Variants in ERICH2 observed in about 807,000 individuals in gnomAD.
ERICH2 encodes glutamate rich 2.
In ERICH2, 17 loss-of-function variants were observed where a neutral mutation model predicts 17.4. The observed-to-expected ratio is 0.98, with a 90% confidence interval of 0.67 to 1.47. The LOEUF (loss-of-function observed/expected upper bound fraction) is 1.47, where lower values mean the gene tolerates loss of function less well. Among genes scored for constraint, ERICH2 ranks in the 40% most tolerant of loss-of-function variants. The probability of loss-of-function intolerance (pLI) is 0.00; values close to 1 mark genes in which losing one functional copy is unlikely to be tolerated. For synonymous variants in ERICH2, 51 were observed against 61.1 expected, an observed-to-expected ratio of 0.83 and a Z score of 0.77; for missense variants, 186 against 183.2, an observed-to-expected ratio of 1.01 and a Z score of -0.09.
chr2:170,798,878 G>T (rs1488014559), exon 5 of ERICH2: 8 of 1,550,464 alleles, frequency 5.2e-6, no homozygotes, highest in African/African-American at 2.7e-5. Context: ...TCTGACGAAG[G>T]TGAAGATGGA....
chr2:170,786,449 A>G (rs1701162430), intron 2 of ERICH2, among the ~76,000 whole-genome samples: 3 of 151,824 alleles, frequency 2.0e-5, no homozygotes, highest in Admixed American at 2.0e-4. Context: ...ATATTATTTT[A>G]TTTCACAATT....
intron 3 of ERICH2, among the ~76,000 whole-genome samples, chr2:170,795,536 C>T (rs1293808272): frequency 6.6e-6 from 1 of 151,884 alleles, no homozygotes; most frequent in East Asian, 1.9e-4. Flanking sequence ...TTTGTAGAGG[C>T]GGGGTTTCAC....
At chr2:170,783,783 A>G (rs946634956), upstream of ERICH2, 86 of 1,550,046 alleles carry the variant, frequency 5.5e-5, no homozygotes, top group Non-Finnish European at 7.5e-5. Flanking sequence ...ACATCAGTGC[A>G]TTGAGTCAGT....
chr2:170,771,782 A>G, the ERICH2 span, among the ~76,000 whole-genome samples: 2 of 152,158 alleles, frequency 1.3e-5, no homozygotes, highest in African/African-American at 4.8e-5. The surrounding 1 kb of genome is among the most constrained non-coding windows in gnomAD (Gnocchi z 4.8). Flanking sequence ...CAAAATGTTG[A>G]TATTGTTCTT....
chr2:170,797,795 GAAAAAAAA>G (rs767126097), intron 3 of ERICH2, among the ~76,000 whole-genome samples: 2 of 141,808 alleles, frequency 1.4e-5, no homozygotes, highest in African/African-American at 5.2e-5. Flanking sequence ...CTGTCTCAGG[GAAAAAAAA>G]AAAAAAAAAA....
intron 2 of ERICH2, among the ~76,000 whole-genome samples, chr2:170,786,235 C>T (rs1701157714): frequency 6.6e-6 from 1 of 151,964 alleles, no homozygotes; most frequent in Non-Finnish European, 1.5e-5. Flanking sequence ...TTCTCTCAGC[C>T]TTGTTTTGTC....
intron 2 of ERICH2, among the ~76,000 whole-genome samples, chr2:170,786,784 A>G (rs1199894571): frequency 2.6e-5 from 4 of 151,816 alleles, no homozygotes; most frequent in Non-Finnish European, 5.9e-5. Context: ...CCCATCCTGC[A>G]TTATATTTTT....
At chr2:170,797,657 G>T (rs1701461738) in intron 3 of ERICH2, among the ~76,000 whole-genome samples, 1 of 151,902 alleles carries the variant, frequency 6.6e-6, no homozygotes, top group Non-Finnish European at 1.5e-5. Context: ...ACTTAGCCAG[G>T]CGTGGTGGCA....
chr2:170,798,740 CT>C (rs1461164183), intron 4 of ERICH2, 29 bp from the exon 10 acceptor site: 9 of 1,549,566 alleles, frequency 5.8e-6, no homozygotes, highest in Non-Finnish European at 7.8e-6. Flanking sequence ...TAAGAAACAC[CT>C]TAAGCAATCC....
upstream of ERICH2, chr2:170,782,329 G>A: frequency 1.0e-6 from 1 of 978,804 alleles, no homozygotes; most frequent in Non-Finnish European, 1.2e-6. Context: ...CGAAAGTAAA[G>A]ATATCTTAAC....
chr2:170,798,849 G>C, exon 5 of ERICH2: 1 of 1,550,658 alleles, frequency 6.4e-7, no homozygotes, highest in African/African-American at 1.4e-5. Flanking sequence ...AAAGCGATGA[G>C]GAGCTGAGTG....
chr2:170,790,510 C>A (rs1701263326), intron 2 of ERICH2, among the ~76,000 whole-genome samples: 1 of 152,210 alleles, frequency 6.6e-6, no homozygotes, highest in Non-Finnish European at 1.5e-5. Flanking sequence ...GCCTATAATC[C>A]CAGCTATTCA....
intron 3 of ERICH2, among the ~76,000 whole-genome samples, chr2:170,796,874 G>T (rs933008390): frequency 7.9e-5 from 12 of 152,060 alleles, no homozygotes; most frequent in Non-Finnish European, 1.6e-4. Context: ...CCTCAAGGCT[G>T]GTAGGAAGAA....
chr2:170,771,064 C>T, the ERICH2 span: 1 of 153,298 alleles, frequency 6.5e-6, no homozygotes, highest in East Asian at 2.0e-4. This position sits in a 1 kb window ranked among gnomAD's most constrained non-coding sequence, Gnocchi z 4.8. Context: ...CCTCCACGCG[C>T]CGTGCAGTCT....
intron 2 of ERICH2, among the ~76,000 whole-genome samples, chr2:170,792,046 CA>C (rs1701303165): frequency 6.6e-6 from 1 of 151,964 alleles, no homozygotes; most frequent in African/African-American, 2.4e-5. Flanking sequence ...TTTTTTTGTG[CA>C]TTTTTTTAAT....
At chr2:170,779,985 TC>T, upstream of ERICH2, 1 of 385,776 alleles carries the variant, frequency 2.6e-6, no homozygotes, top group Non-Finnish European at 3.5e-6. Flanking sequence ...AAGAATTATT[TC>T]AGTAGAAGTT....
chr2:170,796,441 T>TTTG (rs1324362693), intron 3 of ERICH2, among the ~76,000 whole-genome samples: 4 of 5,050 alleles, frequency 7.9e-4, no homozygotes, highest in African/African-American at 1.3e-3. Context: ...TTTTTTTTTG[T>TTTG]TTTTTTTTTT....
At chr2:170,794,105 C>CTTTTTTTTTTTTTT (rs59152667) in intron 3 of ERICH2, among the ~76,000 whole-genome samples, 4 of 88,164 alleles carry the variant, frequency 4.5e-5, no homozygotes, top group Non-Finnish European at 8.4e-5. Flanking sequence ...TCCTTTCTTT[C>CTTTTTTTTTTTTTT]TTTTTTTTTT....
chr2:170,794,717 G>A (rs1701375026), intron 3 of ERICH2, among the ~76,000 whole-genome samples: 1 of 152,174 alleles, frequency 6.6e-6, no homozygotes, highest in South Asian at 2.1e-4. Context: ...ATTAAGCAGT[G>A]TTAAACTTAA....
Sources: allele counts gnomAD v4.1 joint callset (sites outside exome capture counted in the v4.1 genomes callset), GRCh38; gene constraint gnomAD v4.1.1; non-coding constraint Gnocchi (gnomAD v3.1); transcripts MANE v1.5; gene names NCBI Gene and HGNC (gene_info 2026-07-23, HGNC 2026-07-21).